The following PPP4R4 variants were observed in gnomAD, a reference collection of about 807,000 sequenced individuals.
The protein encoded by PPP4R4 is serine/threonine-protein phosphatase 4 regulatory subunit 4.
PPP4R4 carries 70 observed loss-of-function variants against 121.8 expected under a neutral mutation model. The ratio of observed to expected loss-of-function variants is 0.57; its 90% CI spans 0.47 to 0.70. The LOEUF (loss-of-function observed/expected upper bound fraction) is 0.70. PPP4R4 is among the 30% of genes least tolerant of loss of function. The pLI, the probability that PPP4R4 is intolerant of heterozygous loss-of-function variation, is 0.00. For missense variants in PPP4R4, 875 were observed against 1,033.6 expected (o/e 0.85, Z 2.10); for synonymous variants, 348 against 355.7 (o/e 0.98, Z 0.24).
chr14:94,277,567 G>A (rs548097122), intron 24 of PPP4R4, among the ~76,000 whole-genome samples: 1 of 152,236 alleles, frequency 6.6e-6, no homozygotes, highest in East Asian at 1.9e-4. Context: ...CTGTTGAAGA[G>A]CATATTTAGT....
intron 2 of PPP4R4, among the ~76,000 whole-genome samples, chr14:94,187,260 C>G (rs971223133): frequency 1.3e-5 from 2 of 151,798 alleles, no homozygotes. Context: ...GAGCCAAGAT[C>G]GCGCCACTGT....
chr14:94,227,973 C>A, intron 3 of PPP4R4: 1 of 725,726 alleles, frequency 1.4e-6, no homozygotes, highest in Non-Finnish European at 1.7e-6. Context: ...GGATTGATTT[C>A]AGAGACCACT....
chr14:94,213,528 C>T (rs1309769674), intron 3 of PPP4R4, among the ~76,000 whole-genome samples: 1 of 152,162 alleles, frequency 6.6e-6, no homozygotes, highest in Non-Finnish European at 1.5e-5. Flanking sequence ...GGGGTCTTTA[C>T]AGATACAGTT....
At chr14:94,193,721 A>G (rs1025515803) in intron 2 of PPP4R4, among the ~76,000 whole-genome samples, 3 of 152,188 alleles carry the variant, frequency 2.0e-5, no homozygotes, top group African/African-American at 7.2e-5. Context: ...AGCAATAGAA[A>G]AGTAGAAAAA....
intron 24 of PPP4R4, among the ~76,000 whole-genome samples, chr14:94,276,575 C>T (rs907508113): frequency 6.6e-6 from 1 of 151,968 alleles, no homozygotes; most frequent in African/African-American, 2.4e-5. Flanking sequence ...GGGGGAGGTG[C>T]CACACACTTT....
At chr14:94,225,848 A>T (rs769351327) in intron 3 of PPP4R4, among the ~76,000 whole-genome samples, 1 of 152,094 alleles carries the variant, frequency 6.6e-6, no homozygotes, top group Non-Finnish European at 1.5e-5. Flanking sequence ...ATTATGACTG[A>T]CTTGGGAGAA....
intron 11 of PPP4R4, 143 bp downstream of exon 11, chr14:94,242,551 T>G: frequency 1.2e-6 from 1 of 807,748 alleles, no homozygotes; most frequent in East Asian, 2.9e-5. Context: ...AAAAATTTCC[T>G]TAATTTTCTT....
rs545890162 is a variant in PPP4R4 at position 94,248,419 on chromosome 14, A to G, written c.1612-1753A>G. ...GAAAGAAATCATAGATGACATAAAC[A>G]AATGGAAAAACATTCCTTACTCATG... is the stretch of plus-strand genomic sequence containing the variant. On this transcript the variant is annotated intron_variant, in intron 14 of 24. Transcript: ENST00000304338. Among the ~76,000 whole-genome samples, 8 of 152,362 alleles carry G rather than the reference A, an allele frequency of 5.3e-5. 1 individual carries two copies. Among genetic ancestry groups the G allele is most frequent in the African/African-American group, 1.9e-4 (8 of 41,590 alleles).
rs763997467 is a variant in PPP4R4, at chr14:94,174,440, C to T, written c.-26C>T. 5 of 1,545,706 alleles carry T rather than the reference C, an allele frequency of 3.2e-6. No homozygotes were observed. Among genetic ancestry groups the T allele is most frequent in the Non-Finnish European group, 4.4e-6 (5 of 1,147,938 alleles). On this transcript the variant is annotated 5_prime_UTR_variant, in exon 1 of 25. Transcript: ENST00000304338. Reference sequence around the variant, plus strand: ...CCGGCATCCCGGGGCCGCTCCGGCCCGGGCGGCGAGAGTGCCCGGCGGTCC... The same window carrying T: ...CCGGCATCCCGGGGCCGCTCCGGCCTGGGCGGCGAGAGTGCCCGGCGGTCC...
chr14:94,192,150 T>C (rs1889637032), intron 2 of PPP4R4, among the ~76,000 whole-genome samples: 2 of 152,166 alleles, frequency 1.3e-5, no homozygotes, highest in South Asian at 4.1e-4. Context: ...ATTATTTGTT[T>C]CTCTATGGTC....
Position 94,265,812 on chromosome 14 carries a change from C to A in PPP4R4, c.2303C>A (p.Ser768Tyr), listed in dbSNP as rs1595543675. 6.2e-7 allele frequency: 1 copy of A among 1,604,546 alleles called. No homozygotes were observed. The highest frequency in any genetic ancestry group is 8.5e-7 in the Non-Finnish European group (1 of 1,174,802). ...TPSTSKEIKKSKLIRSQSFNN... is the reference protein window; with the variant it reads ...TPSTSKEIKKYKLIRSQSFNN... ...GCTCTAGGTAAAGAAATCAAGAAATCCAAACTGATTCGAAGCCAGTCTTTT... is the reference window on the plus strand; with the variant it reads ...GCTCTAGGTAAAGAAATCAAGAAATACAAACTGATTCGAAGCCAGTCTTTT... Residue 768 changes from serine (S) to tyrosine (Y), a missense_variant, in exon 22 of 25, where the codon TCC (serine) becomes TAC (tyrosine). Transcript: ENST00000304338.
At chr14:94,180,816 CTTT>C (rs532453211) in intron 2 of PPP4R4, among the ~76,000 whole-genome samples, 1 of 148,346 alleles carries the variant, frequency 6.7e-6, no homozygotes, top group Non-Finnish European at 1.5e-5. Context: ...TTATTTGGAA[CTTT>C]TTTTTTTAAC....
At chr14:94,207,313 G>A (rs1325344907) in intron 2 of PPP4R4, among the ~76,000 whole-genome samples, 1 of 151,694 alleles carries the variant, frequency 6.6e-6, no homozygotes, top group Non-Finnish European at 1.5e-5. Context: ...TCTGAATTTT[G>A]TCTATTAAAG....
chr14:94,221,332 C>G lies in PPP4R4; in HGVS notation c.295-9255C>G, dbSNP rs189397463. Among the ~76,000 whole-genome samples the G allele has an allele frequency of 7.2e-5, 11 of 152,208 alleles. No individual in the cohort carries two copies. In the East Asian group the frequency reaches 2.1e-3, roughly 29 times the overall value. On this transcript the variant is annotated intron_variant, in intron 3 of 24. Transcript: ENST00000304338. Reference sequence around the variant, plus strand: ...AGGTAAAAGTTTCTTACATATGACTCTAGAAGCATGATCCTTAGAAGAAAA... The same window carrying G: ...AGGTAAAAGTTTCTTACATATGACTGTAGAAGCATGATCCTTAGAAGAAAA...
chr14:94,205,653 A>G (rs1206173836), intron 2 of PPP4R4, among the ~76,000 whole-genome samples: 1 of 151,630 alleles, frequency 6.6e-6, no homozygotes, highest in Non-Finnish European at 1.5e-5. Context: ...CCCTCTTTGA[A>G]TATGTTACCT....
At chr14:94,245,372 G>T (rs1892839131) in intron 12 of PPP4R4, among the ~76,000 whole-genome samples, 2 of 152,044 alleles carry the variant, frequency 1.3e-5, no homozygotes, top group South Asian at 4.1e-4. Flanking sequence ...CAAGAGGCAG[G>T]TACACTAATC....
intron 2 of PPP4R4, 146 bp downstream of exon 2, chr14:94,176,273 A>G: frequency 1.7e-6 from 1 of 599,358 alleles, no homozygotes. Context: ...ACTTAACTAT[A>G]TTATAAATTA....
chr14:94,238,460 A>C (rs545774450), intron 8 of PPP4R4, among the ~76,000 whole-genome samples: 1 of 152,326 alleles, frequency 6.6e-6, no homozygotes, highest in Non-Finnish European at 1.5e-5. Flanking sequence ...CATTGTCTAC[A>C]TGAGTTTCCT....
At chr14:94,246,231 T>C in intron 13 of PPP4R4, 126 bp from the exon 14 acceptor site, 1 of 712,036 alleles carries the variant, frequency 1.4e-6, no homozygotes. Flanking sequence ...TTGTGACAAC[T>C]AAGATGTCTC....
Sources: gnomAD v4.1 joint callset for allele counts (sites outside exome capture counted in the v4.1 genomes callset) on GRCh38, gnomAD v4.1.1 for gene constraint, MANE v1.5 for transcripts, NCBI Gene and HGNC (gene_info 2026-07-23, HGNC 2026-07-21) for gene names.